ZNF532: variants seen among roughly 807,000 people sequenced by gnomAD.
ZNF532 encodes zinc finger protein 532.
In ZNF532, 22 loss-of-function variants were observed where a neutral mutation model predicts 89.3. The ratio of observed to expected loss-of-function variants is 0.25; its 90% CI spans 0.18 to 0.35. The LOEUF is 0.35. ZNF532 is among the 10% of genes least tolerant of loss of function. The probability of loss-of-function intolerance (pLI) is 1.00; values close to 1 mark genes in which losing one functional copy is unlikely to be tolerated. For synonymous variants in ZNF532, 606 were observed against 649.6 expected, an observed-to-expected ratio of 0.93 and a Z score of 1.02; for missense variants, 1,132 against 1,643.4, an observed-to-expected ratio of 0.69 and a Z score of 5.38.
At chr18:58,900,783 A>G (rs890650279) in intron 2 of ZNF532, among the ~76,000 whole-genome samples, 6 of 152,184 alleles carry the variant, frequency 3.9e-5, no homozygotes, top group South Asian at 2.1e-4. Context: ...CATTTTTAAC[A>G]TGTTCACAGA....
chr18:58,880,755 C>T (rs757178166), intron 2 of ZNF532, among the ~76,000 whole-genome samples: 27 of 84,360 alleles, frequency 3.2e-4, no homozygotes, highest in Middle Eastern at 7.8e-3. Context: ...CTCATAGGCG[C>T]GCGCGCACGC....
rs1555704786 is a variant in ZNF532, at chr18:58,880,771, C to CGTGT, written c.-18+15194_-18+15195insGTGT. Among the ~76,000 whole-genome samples the CGTGT allele has an allele frequency of 6.1e-4, 89 of 145,372 alleles. 1 individual carries two copies. The South Asian group carries it at 0.011, about 19-fold the overall frequency. ...TCATAGGCGCGCGCGCACGCGCGCGCGTCTGTGTGTGTGTGTGTATGTTTG... is the reference window on the plus strand; with the variant it reads ...TCATAGGCGCGCGCGCACGCGCGCGCGTGTGTCTGTGTGTGTGTGTGTATGTTTG... On this transcript the variant is annotated intron_variant, in intron 2 of 9. Transcript: ENST00000591808.
At chr18:58,863,408 C>A (rs1416121084), upstream of ZNF532, 2 of 87,696 alleles carry the variant, frequency 2.3e-5, no homozygotes, top group African/African-American at 9.1e-5. Context: ...CGCGGGGCTT[C>A]GCGCTGCCGC....
At position 58,934,634 on chromosome 18, in the gene ZNF532, AT is replaced by A; in HGVS notation, c.2528+21del. ...TTTTCGGTCAGTATATCATTCACTTATGTGCAAGTAAAACTCGTTCACTTAC... is the reference window on the plus strand; with the variant it reads ...TTTTCGGTCAGTATATCATTCACTTAGTGCAAGTAAAACTCGTTCACTTAC... On this transcript the variant is annotated intron_variant, in intron 4 of 9. Coordinates refer to ENST00000591808, the MANE Select transcript of ZNF532 (RefSeq NM_001375912.1). 1 of 1,604,138 alleles carries A rather than the reference AT, an allele frequency of 6.2e-7. No individual in the cohort carries two copies. The highest frequency in any genetic ancestry group is 8.5e-7 in the Non-Finnish European group (1 of 1,174,246).
intron 2 of ZNF532, among the ~76,000 whole-genome samples, chr18:58,889,595 T>C (rs931757658): frequency 6.9e-6 from 1 of 145,496 alleles, no homozygotes; most frequent in South Asian, 2.2e-4. Context: ...ATGTCAGGAG[T>C]TTGAGACCAG....
chr18:58,965,424 T>G (rs1276821883), intron 7 of ZNF532, among the ~76,000 whole-genome samples: 1 of 152,270 alleles, frequency 6.6e-6, no homozygotes, highest in Non-Finnish European at 1.5e-5. Flanking sequence ...GAGGCAGGTT[T>G]CTAGCCCAGA....
intron 7 of ZNF532, among the ~76,000 whole-genome samples, chr18:58,977,039 G>T (rs2067136377): frequency 1.3e-5 from 2 of 152,054 alleles, no homozygotes; most frequent in African/African-American, 2.4e-5. Flanking sequence ...GAATATTTTT[G>T]GGGGGTGCCA....
At chr18:58,876,667 T>C (rs1278632138) in intron 2 of ZNF532, among the ~76,000 whole-genome samples, 1 of 152,236 alleles carries the variant, frequency 6.6e-6, no homozygotes, top group African/African-American at 2.4e-5. Flanking sequence ...TCGGATCAGA[T>C]GGAAAAGAAT....
At chr18:58,947,581 A>G (rs2063773976) in intron 5 of ZNF532, among the ~76,000 whole-genome samples, 1 of 152,224 alleles carries the variant, frequency 6.6e-6, no homozygotes, top group African/African-American at 2.4e-5. Context: ...AGGTATAGAA[A>G]TATTGACATT....
intron 2 of ZNF532, among the ~76,000 whole-genome samples, chr18:58,915,623 C>T (rs894129597): frequency 9.9e-5 from 15 of 152,112 alleles, no homozygotes; most frequent in Non-Finnish European, 1.8e-4. Flanking sequence ...TGATTCAGTA[C>T]GGCTGCTGTG....
chr18:58,973,825 T>C (rs1411454310), intron 7 of ZNF532, among the ~76,000 whole-genome samples: 1 of 152,092 alleles, frequency 6.6e-6, no homozygotes, highest in Non-Finnish European at 1.5e-5. Context: ...CAAATACCAA[T>C]AGACCCAACA....
intron 7 of ZNF532, chr18:58,954,193 G>C: frequency 2.0e-6 from 2 of 986,956 alleles, no homozygotes; most frequent in Non-Finnish European, 2.4e-6. Flanking sequence ...ATTGCCAGTA[G>C]CATTTGTGTG....
rs1170097628 is a variant in ZNF532, at chr18:58,982,607, A to T, written c.3411+990A>T. ...ACTGCACTTTAGTCTAGGCAATAGA[A>T]CGAGACTCTGTCTCCACCCCCCCAA... On this transcript the variant is annotated intron_variant, in intron 9 of 9. Transcript: ENST00000591808. 3.3e-5 allele frequency among the ~76,000 whole-genome samples: 5 copies of T among 152,056 alleles called. No homozygotes were observed. In the East Asian group the frequency reaches 7.7e-4, roughly 23 times the overall value.
At chr18:58,961,771 T>G (rs2065373358) in intron 7 of ZNF532, among the ~76,000 whole-genome samples, 1 of 152,170 alleles carries the variant, frequency 6.6e-6, no homozygotes, top group African/African-American at 2.4e-5. Flanking sequence ...TAAGGGGAGC[T>G]TTGATAGCTG....
At chr18:58,949,114 G>A (rs4496254) in intron 6 of ZNF532, among the ~76,000 whole-genome samples, 31,095 of 151,654 alleles carry the variant, frequency 0.21, 4,194 homozygotes, top group Middle Eastern at 0.37. Context: ...ACCTGGTGGT[G>A]TTCAGTTAAT....
chr18:58,982,015 A>G (rs546208165), intron 9 of ZNF532, among the ~76,000 whole-genome samples: 6 of 151,652 alleles, frequency 4.0e-5, no homozygotes, highest in Admixed American at 1.3e-4. Context: ...AAAAAAAAAA[A>G]AAAAAATCAG....
At chr18:58,939,290 A>G (rs1173704058) in intron 4 of ZNF532, among the ~76,000 whole-genome samples, 155 bp from the exon 5 acceptor site, 1 of 149,558 alleles carries the variant, frequency 6.7e-6, no homozygotes, top group Non-Finnish European at 1.5e-5. Context: ...TAAACAATTA[A>G]GTTGATTTAT....
At chr18:58,922,300 A>G (rs533126744) in intron 3 of ZNF532, among the ~76,000 whole-genome samples, 3 of 152,306 alleles carry the variant, frequency 2.0e-5, no homozygotes, top group South Asian at 2.1e-4. Flanking sequence ...CTTGGTGATT[A>G]GTTCCTCAGG....
At chr18:58,900,405 G>A (rs1044258965) in intron 2 of ZNF532, among the ~76,000 whole-genome samples, 2 of 152,148 alleles carry the variant, frequency 1.3e-5, no homozygotes, top group African/African-American at 4.8e-5. Context: ...GAGCTTCCAC[G>A]GCTTTGATAG....
Sources: gnomAD v4.1 joint callset for allele counts (sites outside exome capture counted in the v4.1 genomes callset) on GRCh38, gnomAD v4.1.1 for gene constraint, MANE v1.5 for transcripts, NCBI Gene and HGNC (gene_info 2026-07-23, HGNC 2026-07-21) for gene names.